The following ACTN1 variants were observed in gnomAD, a reference collection of about 807,000 sequenced individuals.
The protein encoded by ACTN1 is alpha-actinin-1.
ACTN1 carries 30 observed loss-of-function variants against 119.6 expected under a neutral mutation model. The ratio of observed to expected loss-of-function variants is 0.25; its 90% CI spans 0.19 to 0.34. The LOEUF is 0.34. ACTN1 is among the 10% of genes least tolerant of loss of function. The probability of loss-of-function intolerance (pLI) is 1.00; values close to 1 mark genes in which losing one functional copy is unlikely to be tolerated. For missense variants in ACTN1, 764 were observed against 1,223.4 expected, an observed-to-expected ratio of 0.62 and a Z score of 5.60; for synonymous variants, 429 against 472.6, an observed-to-expected ratio of 0.91 and a Z score of 1.20.
intron 1 of ACTN1, among the ~76,000 whole-genome samples, chr14:68,946,744 C>T (rs1240014244): frequency 6.6e-6 from 1 of 152,328 alleles, no homozygotes; most frequent in Admixed American, 6.5e-5. Flanking sequence ...CCATCCATCC[C>T]CCACTTAGTC....
intron 1 of ACTN1, among the ~76,000 whole-genome samples, chr14:68,931,368 C>T (rs1018356258): frequency 2.6e-5 from 4 of 152,172 alleles, no homozygotes; most frequent in Admixed American, 2.6e-4. Flanking sequence ...TGTCAAGAGG[C>T]AAGAGAGATC....
intron 1 of ACTN1, among the ~76,000 whole-genome samples, chr14:68,935,306 G>A (rs1194199595): frequency 6.6e-6 from 1 of 151,354 alleles, no homozygotes; most frequent in Admixed American, 6.6e-5. Flanking sequence ...TTACAGGCAT[G>A]AGCTACTGTG....
chr14:68,969,486 G>A lies in ACTN1; in HGVS notation c.105+9466C>T, dbSNP rs1008933791. On this transcript the variant is annotated intron_variant, in intron 1 of 21. Coordinates refer to ENST00000394419, the MANE Select transcript of ACTN1 (RefSeq NM_001130004.2). ...AATATCGGGAACTCGACTGGAAAGC[G>A]CCATTATCTATTATCTGGAGGATGT... is the stretch of plus-strand genomic sequence containing the variant. 4.6e-5 allele frequency among the ~76,000 whole-genome samples: 7 copies of A among 152,350 alleles called. No individual in the cohort carries two copies. The East Asian group carries it at 9.6e-4, about 21-fold the overall frequency.
Position 68,979,161 on chromosome 14 carries a change from T to G in ACTN1, c.-105A>C. ...GGAGTAGGGCTGGGCTGGGCTGGGC[T>G]GGCGGGGCCGGGCTCGCTCCCCTGC... On this transcript the variant is annotated 5_prime_UTR_variant, in exon 1 of 22. Transcript: ENST00000394419. 2.3e-5 allele frequency: 12 copies of G among 527,196 alleles called. No homozygotes were observed. Among genetic ancestry groups the G allele is most frequent in the East Asian group, 6.2e-5 (1 of 16,010 alleles). The allele number at this position is 527,196 out of a possible 1,614,324, so 32.7% of individuals were successfully genotyped here.
chr14:68,942,951 T>C (rs980674963), intron 1 of ACTN1, among the ~76,000 whole-genome samples: 26 of 152,124 alleles, frequency 1.7e-4, no homozygotes, highest in African/African-American at 6.0e-4. Flanking sequence ...CACTGGGCCA[T>C]GACGGAGGAG....
Position 68,916,021 on chromosome 14 carries a change from A to C in ACTN1, c.341-3779T>G, listed in dbSNP as rs979719669. 3.9e-5 allele frequency among the ~76,000 whole-genome samples: 6 copies of C among 152,252 alleles called. No individual in the cohort carries two copies. In the South Asian group the frequency reaches 1.2e-3, roughly 32 times the overall value. ...AGAGCGAGACTCATCTCAAAAAAAC[A>C]AAACAAAAAAGACAATGAACGCAGA... On this transcript the variant is annotated intron_variant, in intron 3 of 21. Coordinates refer to ENST00000394419, the MANE Select transcript of ACTN1 (RefSeq NM_001130004.2).
intron 1 of ACTN1, among the ~76,000 whole-genome samples, chr14:68,968,330 C>T (rs1169201443): frequency 6.6e-6 from 1 of 152,216 alleles, no homozygotes; most frequent in African/African-American, 2.4e-5. Flanking sequence ...TGCTGTGTGA[C>T]CTGGGCAAGT....
At chr14:68,974,149 G>A (rs907479440) in intron 1 of ACTN1, 1 of 152,720 alleles carries the variant, frequency 6.5e-6, no homozygotes, top group African/African-American at 2.4e-5. Context: ...CTCAGGTGGG[G>A]TTAACTGGCT....
At position 68,892,185 on chromosome 14, in the gene ACTN1, G is replaced by A. The variant is rs2032543092; in HGVS notation, c.954C>T (p.Asp318=). 2 of 1,614,104 alleles carry A rather than the reference G, an allele frequency of 1.2e-6. No homozygotes were observed. The change falls in exon 10 of 22, where the codon GAC becomes GAT. Residue 318 remains aspartate, a synonymous_variant. Coordinates refer to ENST00000394419, the MANE Select transcript of ACTN1 (RefSeq NM_001130004.2). ...TGGGCGGCTTGTGCAGGCGCCGGTA[G>A]TCCCGGAAGTCCTCCAGCTTCTGTT... is the stretch of plus-strand genomic sequence containing the variant. ...AMQQKLEDFR[D]YRRLHKPPKV...
chr14:68,964,712 T>C (rs1351744141), intron 1 of ACTN1, among the ~76,000 whole-genome samples: 1 of 152,312 alleles, frequency 6.6e-6, no homozygotes, highest in African/African-American at 2.4e-5. Context: ...CTTTTCCTCA[T>C]AGGGCGGCTA....
At chr14:68,936,852 G>A (rs2035545849) in intron 1 of ACTN1, 2 of 590,130 alleles carry the variant, frequency 3.4e-6, no homozygotes, top group African/African-American at 3.7e-5. Flanking sequence ...AGAGTGGTAG[G>A]ACAACTTCTT....
At chr14:68,932,255 T>C (rs1014035341) in intron 1 of ACTN1, among the ~76,000 whole-genome samples, 2 of 151,346 alleles carry the variant, frequency 1.3e-5, no homozygotes, top group Non-Finnish European at 2.9e-5. Flanking sequence ...CAGAAGAACG[T>C]GAAAAGACTA....
rs2031813487 is a variant in ACTN1, at chr14:68,884,273, C to T, written c.1530G>A (p.Leu510=). The change falls in exon 14 of 22, where the codon CTG becomes CTA. Residue 510 remains leucine (L), a synonymous_variant. Transcript: ENST00000394419. ...CAGCCCGCTTGGCATACTCCAAGTA[C>T]AGCTGGTCAATGGTCTCCAGCAGTT... The part of the protein sequence containing the change: ...TEKLLETIDQ[L]YLEYAKRAAP... The T allele has an allele frequency of 1.9e-6, 3 of 1,614,154 alleles. No individual in the cohort carries two copies. The highest frequency in any genetic ancestry group is 2.2e-5 in the South Asian group (2 of 91,078).
At chr14:68,897,991 T>TCC (rs572970716) in intron 8 of ACTN1, among the ~76,000 whole-genome samples, 1 of 152,082 alleles carries the variant, frequency 6.6e-6, no homozygotes, top group African/African-American at 2.4e-5. Context: ...TGCTAAGCCT[T>TCC]CCCCCCACAG....
At chr14:68,961,103 G>A (rs2036522874) in intron 1 of ACTN1, among the ~76,000 whole-genome samples, 1 of 152,122 alleles carries the variant, frequency 6.6e-6, no homozygotes, top group South Asian at 2.1e-4. Flanking sequence ...TGTTATACAC[G>A]AGACTTTTAA....
intron 1 of ACTN1, among the ~76,000 whole-genome samples, chr14:68,939,449 A>C (rs2035689321): frequency 1.3e-5 from 2 of 152,306 alleles, no homozygotes; most frequent in South Asian, 4.1e-4. Flanking sequence ...AATAGTAATA[A>C]TAAAATAAAG....
chr14:68,960,589 G>A (rs1011004639), intron 1 of ACTN1, among the ~76,000 whole-genome samples: 3 of 152,014 alleles, frequency 2.0e-5, no homozygotes, highest in Admixed American at 2.0e-4. Flanking sequence ...CCTCCACTAT[G>A]ACATAGCTCT....
intron 10 of ACTN1, 143 bp from the exon 11 acceptor site, chr14:68,890,429 C>T: frequency 2.0e-6 from 2 of 1,006,138 alleles, no homozygotes; most frequent in Non-Finnish European, 2.8e-6. Flanking sequence ...CCTAGCCAGG[C>T]TGCCCCACCA....
intron 8 of ACTN1, among the ~76,000 whole-genome samples, chr14:68,894,006 G>A (rs1042928637): frequency 1.3e-5 from 2 of 152,140 alleles, no homozygotes; most frequent in Non-Finnish European, 2.9e-5. Context: ...CTGAGTTTAA[G>A]GCCCAACCTG....
Sources: allele counts gnomAD v4.1 joint callset (sites outside exome capture counted in the v4.1 genomes callset), GRCh38; gene constraint gnomAD v4.1.1; transcripts MANE v1.5; gene names NCBI Gene and HGNC (gene_info 2026-07-23, HGNC 2026-07-21).